Variants in MTERF4 observed in about 807,000 individuals in gnomAD.
MTERF4 encodes the protein transcription termination factor 4, mitochondrial.
A neutral mutation model predicts 22.5 loss-of-function variants in MTERF4; 17 were observed. The observed-to-expected ratio is 0.75, with a 90% confidence interval of 0.52 to 1.13. The LOEUF (loss-of-function observed/expected upper bound fraction) is 1.13, where lower values mean the gene tolerates loss of function less well. Ranked by LOEUF, MTERF4 falls within the 50% of genes most tolerant of loss-of-function variation. The pLI, the probability that MTERF4 is intolerant of heterozygous loss-of-function variation, is 0.00. For missense variants in MTERF4, 420 were observed against 466.8 expected, an observed-to-expected ratio of 0.90 and a Z score of 0.92; for synonymous variants, 165 against 175.3, an observed-to-expected ratio of 0.94 and a Z score of 0.47.
the MTERF4 span, among the ~76,000 whole-genome samples, chr2:241,049,458 A>G: frequency 6.6e-6 from 1 of 152,378 alleles, no homozygotes; most frequent in South Asian, 2.1e-4. Context: ...ATGTATCACT[A>G]CTATACGTTT....
downstream of MTERF4, chr2:241,069,043 C>T (rs566133959): frequency 8.2e-4 from 1,232 of 1,505,400 alleles, 4 homozygotes; most frequent in Non-Finnish European, 9.5e-4. The surrounding 1 kb of genome is among the most constrained non-coding windows in gnomAD (Gnocchi z 4.9). Context: ...GCAGCGCGGC[C>T]CCCGGCACAC....
downstream of MTERF4, among the ~76,000 whole-genome samples, chr2:241,084,628 C>T (rs917049177): frequency 2.0e-5 from 3 of 152,168 alleles, no homozygotes; most frequent in Admixed American, 6.5e-5. Context: ...CTGCACTATA[C>T]GTTATTTTTG....
At chr2:241,065,614 G>A in the MTERF4 span, 1 of 1,606,330 alleles carries the variant, frequency 6.2e-7, no homozygotes, top group South Asian at 1.1e-5. Context: ...CCCCGAGCCT[G>A]GCCGTCCCTG....
chr2:241,057,409 A>G, the MTERF4 span, among the ~76,000 whole-genome samples: 2 of 123,864 alleles, frequency 1.6e-5, no homozygotes, highest in South Asian at 2.7e-4. Context: ...ATATATATAT[A>G]TATGCCATAC....
chr2:241,087,147 C>T (rs112333804), downstream of MTERF4: 2,789 of 472,680 alleles, frequency 5.9e-3, 5 homozygotes, highest in Non-Finnish European at 8.2e-3. Context: ...CAGTGCTCAT[C>T]AGAATGCACA....
the MTERF4 span, chr2:241,050,059 T>A: frequency 1.3e-6 from 1 of 749,566 alleles, no homozygotes; most frequent in Non-Finnish European, 2.4e-6. Context: ...GAGCCTTGCC[T>A]GATGTGCTGC....
Position 241,096,776 on chromosome 2 carries a change from T to C in MTERF4, c.706-338A>G, listed in dbSNP as rs2064453460. The stretch of plus-strand genomic sequence containing the variant: ...ATAGGCAAAACATTCAGAAAACATC[T>C]AGAAATTCGACCTAAGTTGTCATAA... On this transcript the variant is annotated intron_variant, in intron 3 of 3. Transcript: ENST00000391980. This position sits in a 1 kb window ranked among gnomAD's most constrained non-coding sequence, Gnocchi z 5.1. The C allele has an allele frequency of 7.6e-6, 4 of 525,640 alleles. No homozygotes were observed. The highest frequency in any genetic ancestry group is 7.6e-5 in the East Asian group (2 of 26,224). The allele number at this position is 525,640 out of a possible 1,614,324, so 32.6% of individuals were successfully genotyped here.
At chr2:241,081,827 C>A in intron 4 of MTERF4, 2 of 1,468,750 alleles carry the variant, frequency 1.4e-6, no homozygotes, top group Non-Finnish European at 1.9e-6. Context: ...GCGCCCCTTC[C>A]AACACAGCCT....
chr2:241,063,952 C>A, the MTERF4 span: 1 of 1,265,520 alleles, frequency 7.9e-7, no homozygotes, highest in Non-Finnish European at 1.1e-6. Context: ...CCGCTGTCCT[C>A]TCCTCCCTCC....
chr2:241,048,973 G>T, the MTERF4 span: 323 of 1,507,770 alleles, frequency 2.1e-4, 1 homozygote, highest in African/African-American at 4.1e-3. Context: ...CTCGAGGTCT[G>T]CTGGAAGACA....
chr2:241,047,868 T>C, the MTERF4 span, among the ~76,000 whole-genome samples: 1 of 151,602 alleles, frequency 6.6e-6, no homozygotes, highest in Non-Finnish European at 1.5e-5. Context: ...GTGGCTTCTC[T>C]GGTGCTTCTT....
At chr2:241,088,416 G>T (rs371600149), downstream of MTERF4, 2 of 1,607,162 alleles carry the variant, frequency 1.2e-6, no homozygotes, top group Non-Finnish European at 1.7e-6. Flanking sequence ...CGTCCCTGCT[G>T]CTCCCGCCCC....
the MTERF4 span, among the ~76,000 whole-genome samples, chr2:241,047,879 G>C: frequency 3.3e-5 from 5 of 151,854 alleles, no homozygotes; most frequent in South Asian, 2.1e-4. Context: ...GGTGCTTCTT[G>C]TTCTGTCCAA....
intron 2 of MTERF4, among the ~76,000 whole-genome samples, chr2:241,097,951 AC>A (rs1364952739): frequency 6.6e-6 from 1 of 152,132 alleles, no homozygotes; most frequent in Non-Finnish European, 1.5e-5. Flanking sequence ...GACACACAAC[AC>A]CAATGCTGAC....
the MTERF4 span, among the ~76,000 whole-genome samples, chr2:241,061,854 C>CA: frequency 8.6e-3 from 1,013 of 117,952 alleles, 6 homozygotes; most frequent in Middle Eastern, 0.018. Context: ...TCCATCCCCC[C>CA]AAAAAAAAAA....
chr2:241,078,340 G>A (rs570423246), intron 4 of MTERF4, among the ~76,000 whole-genome samples: 7 of 146,708 alleles, frequency 4.8e-5, no homozygotes, highest in Non-Finnish European at 8.9e-5. Context: ...GTGAGATCGC[G>A]CCACTGCACT....
chr2:241,081,590 GTCA>G (rs1165405047), intron 4 of MTERF4: 5 of 1,001,716 alleles, frequency 5.0e-6, no homozygotes, highest in Non-Finnish European at 7.7e-6. Flanking sequence ...CCTGCATCAG[GTCA>G]TCAAGGAAGG....
downstream of MTERF4, chr2:241,090,462 T>C (rs1035109720): frequency 1.4e-5 from 21 of 1,532,302 alleles, no homozygotes; most frequent in East Asian, 5.2e-4. Flanking sequence ...AAAATAATGA[T>C]GAAGAGTATA....
At chr2:241,090,148 A>C (rs1264078017), downstream of MTERF4, 1 of 1,468,524 alleles carries the variant, frequency 6.8e-7, no homozygotes. Flanking sequence ...ATACAAACAC[A>C]CTGTACGGAT....
Sources: allele counts gnomAD v4.1 joint callset (sites outside exome capture counted in the v4.1 genomes callset), GRCh38; gene constraint gnomAD v4.1.1; non-coding constraint Gnocchi (gnomAD v3.1); transcripts MANE v1.5; gene names NCBI Gene and HGNC (gene_info 2026-07-23, HGNC 2026-07-21).